The following EEA1 variants were observed in gnomAD, a reference collection of about 807,000 sequenced individuals.
The protein encoded by EEA1 is early endosome antigen 1, 162kD.
EEA1 carries 111 observed loss-of-function variants against 209.2 expected under a neutral mutation model. The ratio of observed to expected loss-of-function variants is 0.53; its 90% confidence interval spans 0.45 to 0.62. The LOEUF is 0.62. Among genes scored for constraint, EEA1 ranks in the 20% least tolerant of loss-of-function variants. The pLI is 0.00. For synonymous variants in EEA1, 536 were observed against 540.6 expected, an observed-to-expected ratio of 0.99 and a Z score of 0.12; for missense variants, 1,343 against 1,530.8, an observed-to-expected ratio of 0.88 and a Z score of 2.05.
At chr12:92,870,103 T>C (rs1409577770) in intron 2 of EEA1, among the ~76,000 whole-genome samples, 5 of 152,108 alleles carry the variant, frequency 3.3e-5, no homozygotes, top group Non-Finnish European at 7.3e-5. Flanking sequence ...ATACCTATCA[T>C]AGAAACCTCC....
chr12:92,857,980 G>A (rs993896102), intron 3 of EEA1: 11 of 307,380 alleles, frequency 3.6e-5, no homozygotes, highest in South Asian at 3.4e-4. Context: ...CTGATACTGC[G>A]CACTGAGTAG....
chr12:92,912,026 T>C (rs1880600913), intron 1 of EEA1, among the ~76,000 whole-genome samples: 1 of 152,334 alleles, frequency 6.6e-6, no homozygotes, highest in Non-Finnish European at 1.5e-5. Context: ...AAAAGTTCTT[T>C]ACAGAAAAAA....
chr12:92,928,805 C>A (rs1207792809), intron 1 of EEA1, among the ~76,000 whole-genome samples: 3 of 151,476 alleles, frequency 2.0e-5, no homozygotes, highest in Non-Finnish European at 3.0e-5. Context: ...GAGCCCCGCG[C>A]CGGAGCGGGC....
intron 3 of EEA1, among the ~76,000 whole-genome samples, chr12:92,861,592 A>T (rs1878156502): frequency 6.6e-6 from 1 of 152,196 alleles, no homozygotes; most frequent in Admixed American, 6.5e-5. Flanking sequence ...GCAAAACATG[A>T]GAAATAACCT....
At chr12:92,861,775 T>C (rs957485717) in intron 3 of EEA1, among the ~76,000 whole-genome samples, 6 of 151,632 alleles carry the variant, frequency 4.0e-5, no homozygotes, top group Non-Finnish European at 8.8e-5. Flanking sequence ...TATTTATTTA[T>C]ATGTACATAG....
intron 10 of EEA1, among the ~76,000 whole-genome samples, chr12:92,836,192 A>T (rs1186019859): frequency 6.6e-6 from 1 of 152,252 alleles, no homozygotes. Context: ...TTCTAAATCC[A>T]ATAAATTTTT....
chr12:92,814,478 T>A (rs923800222), intron 15 of EEA1, among the ~76,000 whole-genome samples: 1 of 151,968 alleles, frequency 6.6e-6, no homozygotes, highest in Non-Finnish European at 1.5e-5. Flanking sequence ...ATCTTTTTTA[T>A]ACAGCATGCT....
chr12:92,902,936 C>CTTT, intron 1 of EEA1, among the ~76,000 whole-genome samples: 1 of 136,608 alleles, frequency 7.3e-6, no homozygotes, highest in African/African-American at 2.7e-5. Flanking sequence ...GTTCAACAGT[C>CTTT]TTTTTTTTTT....
Position 92,853,902 on chromosome 12 carries a change from T to A in EEA1, c.406+13A>T. 6.3e-7 allele frequency: 1 copy of A among 1,595,460 alleles called. No individual in the cohort carries two copies. Among genetic ancestry groups the A allele is most frequent in the Admixed American group, 1.8e-5 (1 of 55,518 alleles). ...AAGAAAACTGACAAAATATCTGCTT[T>A]AAGTAAAGTTACCTGCTGATGAATC... On this transcript the variant is annotated intron_variant, in intron 6 of 28. Coordinates refer to ENST00000322349, the MANE Select transcript of EEA1 (RefSeq NM_003566.4).
intron 1 of EEA1, among the ~76,000 whole-genome samples, chr12:92,910,270 G>A (rs576980601): frequency 1.5e-3 from 223 of 152,192 alleles, no homozygotes; most frequent in African/African-American, 5.2e-3. Context: ...AGGAGTTCAA[G>A]ACCAGCCTGA....
intron 2 of EEA1, among the ~76,000 whole-genome samples, chr12:92,880,514 G>A (rs569483519): frequency 1.9e-4 from 29 of 151,918 alleles, no homozygotes; most frequent in South Asian, 1.2e-3. Flanking sequence ...TCACTCTGTC[G>A]CCCAAGCTGG....
intron 3 of EEA1, among the ~76,000 whole-genome samples, chr12:92,861,891 C>T (rs1878170268): frequency 6.6e-6 from 1 of 152,092 alleles, no homozygotes; most frequent in Non-Finnish European, 1.5e-5. Flanking sequence ...GCTCAATTTT[C>T]ACCATAAACT....
intron 2 of EEA1, chr12:92,879,110 GT>G (rs1879030491): frequency 4.9e-6 from 1 of 204,132 alleles, no homozygotes; most frequent in Non-Finnish European, 1.0e-5. Context: ...AAATGAAAAG[GT>G]CCCCCAAAAA....
intron 8 of EEA1, among the ~76,000 whole-genome samples, chr12:92,851,482 T>C (rs1185875583): frequency 6.6e-6 from 1 of 152,182 alleles, no homozygotes; most frequent in Non-Finnish European, 1.5e-5. Context: ...CAAGGTGCTG[T>C]ATAGTAAATT....
rs1021820926 is a variant in EEA1 at position 92,771,269 on chromosome 12, A to C, written c.*4742T>G. On this transcript the variant is annotated 3_prime_UTR_variant, in exon 29 of 29. Coordinates refer to ENST00000322349, the MANE Select transcript of EEA1 (RefSeq NM_003566.4). ...ATTTATCAAATTTGGCTGCAAGACAACTGAAGCCTTAGCTGATTTTGTTAA... is the reference window on the plus strand; with the variant it reads ...ATTTATCAAATTTGGCTGCAAGACACCTGAAGCCTTAGCTGATTTTGTTAA... 6.6e-6 allele frequency: 1 copy of C among 152,204 alleles called. No individual in the cohort carries two copies. The highest frequency in any genetic ancestry group is 1.5e-5 in the Non-Finnish European group (1 of 67,942). The allele number at this position is 152,204 out of a possible 1,614,324, so 9.4% of individuals were successfully genotyped here.
At chr12:92,850,320 T>C (rs1003551086) in intron 9 of EEA1, among the ~76,000 whole-genome samples, 3 of 152,160 alleles carry the variant, frequency 2.0e-5, no homozygotes, top group African/African-American at 7.2e-5. Flanking sequence ...AGGGTTGGCA[T>C]AAAGGGAAGT....
chr12:92,779,694 G>A lies in EEA1; in HGVS notation c.3469-394C>T, dbSNP rs552257404. On this transcript the variant is annotated intron_variant, in intron 24 of 28. Coordinates refer to ENST00000322349, the MANE Select transcript of EEA1 (RefSeq NM_003566.4). ...AGGAAGTCACATTCTAGAGGACAGA[G>A]GAACATAAAGAGATAATTAATTATA... Among the ~76,000 whole-genome samples the A allele has an allele frequency of 3.6e-5, 5 of 139,994 alleles. No individual in the cohort carries two copies. In the East Asian group the frequency reaches 7.7e-4, roughly 22 times the overall value. The allele number at this position is 139,994 out of a possible 152,430, so 91.8% of individuals were successfully genotyped here. A position where few individuals can be genotyped will look rare whatever the true frequency, so the allele number is the denominator to read the frequency against.
At chr12:92,817,748 C>T (rs1875862135) in intron 14 of EEA1, among the ~76,000 whole-genome samples, 1 of 152,122 alleles carries the variant, frequency 6.6e-6, no homozygotes, top group South Asian at 2.1e-4. Context: ...TTGTTGTCTT[C>T]TTTCAAAGAA....
chr12:92,808,870 C>T, intron 18 of EEA1, 147 bp downstream of exon 18: 1 of 616,444 alleles, frequency 1.6e-6, no homozygotes. Flanking sequence ...TTTTCATTCA[C>T]ATTAACATCA....
Sources: gnomAD v4.1 joint callset for allele counts (sites outside exome capture counted in the v4.1 genomes callset) on GRCh38, gnomAD v4.1.1 for gene constraint, MANE v1.5 for transcripts, NCBI Gene and HGNC (gene_info 2026-07-23, HGNC 2026-07-21) for gene names.